The following REL variants were observed in gnomAD, a reference collection of about 807,000 sequenced individuals.
REL encodes proto-oncogene c-Rel.
REL carries 15 observed loss-of-function variants against 45.9 expected under a neutral mutation model. That is an observed-to-expected ratio of 0.33 (90% confidence interval 0.22 to 0.50). REL has a LOEUF of 0.50. Among genes scored for constraint, REL ranks in the 20% least tolerant of loss-of-function variants. The pLI is 0.98. For synonymous variants in REL, 239 were observed against 242.1 expected, an observed-to-expected ratio of 0.99 and a Z score of 0.12; for missense variants, 601 against 715.2, an observed-to-expected ratio of 0.84 and a Z score of 1.82.
At chr2:60,887,472 A>G (rs1179275950) in intron 1 of REL, among the ~76,000 whole-genome samples, 1 of 152,064 alleles carries the variant, frequency 6.6e-6, no homozygotes, top group Non-Finnish European at 1.5e-5. Flanking sequence ...TGTACAAGGC[A>G]CTGATGAGTT....
rs368851220 is a variant in REL at position 60,924,231 on chromosome 2, C to T, written c.*1696C>T. 1.3e-5 allele frequency: 3 copies of T among 227,740 alleles called. No individual in the cohort carries two copies. Among genetic ancestry groups the T allele is most frequent in the East Asian group, 6.3e-5 (1 of 15,898 alleles). 14.1% of individuals were successfully genotyped at this position (227,740 alleles called of 1,614,324 possible). A position where few individuals can be genotyped will look rare whatever the true frequency, so the allele number is the denominator to read the frequency against. On this transcript the variant is annotated 3_prime_UTR_variant, in exon 10 of 10. Coordinates refer to ENST00000394479, the MANE Select transcript of REL (RefSeq NM_001291746.2). ...TTATGTATGTCCATAGCACTCACCACGATCTGACTTTACTAAGTATTTATT... is the reference window on the plus strand; with the variant it reads ...TTATGTATGTCCATAGCACTCACCATGATCTGACTTTACTAAGTATTTATT...
intron 1 of REL, among the ~76,000 whole-genome samples, chr2:60,887,692 T>A (rs1289723597): frequency 6.7e-6 from 1 of 150,244 alleles, no homozygotes; most frequent in Non-Finnish European, 1.5e-5. Context: ...GTTGTAATAC[T>A]CTACATTCCC....
In REL at chr2:60,891,887, A is replaced by T. The variant is rs1055068633; in HGVS notation, c.153+62A>T. 10 of 1,407,072 alleles carry T rather than the reference A, an allele frequency of 7.1e-6. No individual in the cohort carries two copies. The African/African-American group carries it at 1.5e-4, about 21-fold the overall frequency. 87.2% of individuals were successfully genotyped at this position (1,407,072 alleles called of 1,614,324 possible). A position where few individuals can be genotyped will look rare whatever the true frequency, so the allele number is the denominator to read the frequency against. Reference sequence around the variant, plus strand: ...GTTGCTTCATATACTAGCTATAGCAATTATTTTAAAGGGCCAGTTTCTTCA... The same window carrying T: ...GTTGCTTCATATACTAGCTATAGCATTTATTTTAAAGGGCCAGTTTCTTCA... On this transcript the variant is annotated intron_variant, in intron 2 of 9. Transcript: ENST00000394479.
chr2:60,889,039 A>G (rs1673139288), intron 1 of REL, among the ~76,000 whole-genome samples: 2 of 152,292 alleles, frequency 1.3e-5, no homozygotes, highest in East Asian at 1.9e-4. Context: ...CCTGCATCAA[A>G]ATATTCATTG....
chr2:60,910,252 T>C (rs1673774204), intron 4 of REL, among the ~76,000 whole-genome samples: 1 of 151,878 alleles, frequency 6.6e-6, no homozygotes, highest in African/African-American at 2.4e-5. Context: ...GATCACGAGT[T>C]CAGGAGATCA....
At chr2:60,894,322 T>C (rs1350512962) in intron 2 of REL, 75 bp from the exon 3 acceptor site, 6 of 865,550 alleles carry the variant, frequency 6.9e-6, no homozygotes, top group Non-Finnish European at 9.9e-6. Flanking sequence ...TTAATGTAAA[T>C]TGAATTCTCA....
chr2:60,927,107 G>A lies in REL; in HGVS notation c.*4572G>A, dbSNP rs184488905. ...GAAGCTTTGTACATGCCTGTATTACGGACATCCTCTTATTTAAGTGTTTGT... is the reference window on the plus strand; with the variant it reads ...GAAGCTTTGTACATGCCTGTATTACAGACATCCTCTTATTTAAGTGTTTGT... On this transcript the variant is annotated 3_prime_UTR_variant, in exon 10 of 10. Coordinates refer to ENST00000394479, the MANE Select transcript of REL (RefSeq NM_001291746.2). 1.5e-4 allele frequency: 33 copies of A among 226,366 alleles called. No individual in the cohort carries two copies. The Admixed American group carries it at 1.5e-3, about 10-fold the overall frequency. 14.0% of individuals were successfully genotyped at this position (226,366 alleles called of 1,614,324 possible). A position where few individuals can be genotyped will look rare whatever the true frequency, so the allele number is the denominator to read the frequency against.
intron 4 of REL, among the ~76,000 whole-genome samples, chr2:60,901,376 G>A (rs921464175): frequency 1.3e-5 from 2 of 151,850 alleles, no homozygotes; most frequent in Non-Finnish European, 2.9e-5. Context: ...TAGCCAGGCT[G>A]GTCTCGAACT....
At chr2:60,913,948 CTT>C (rs1202531417) in intron 4 of REL, among the ~76,000 whole-genome samples, 3 of 152,132 alleles carry the variant, frequency 2.0e-5, no homozygotes, top group African/African-American at 7.2e-5. Context: ...TTCAATAGGA[CTT>C]TAAGTAATTC....
At position 60,894,506 on chromosome 2, in the gene REL, A is replaced by C; in HGVS notation, c.263A>C (p.Tyr88Ser). The change falls in exon 3 of 10, where the codon TAC becomes TCC. Residue 88 changes from tyrosine (Y) to serine (S), a missense_variant. Transcript: ENST00000394479. ...GTTGGAAAAGACTGCAGAGACGGCT[A>C]CTATGAAGCAGAATTTGGACAAGAA... ...DLVGKDCRDG[Y>S]YEAEFGQERR... 1.2e-6 allele frequency: 2 copies of C among 1,604,570 alleles called. No individual in the cohort carries two copies. The highest frequency in any genetic ancestry group is 1.7e-6 in the Non-Finnish European group (2 of 1,175,332).
At chr2:60,912,987 T>A (rs1673861237) in intron 4 of REL, among the ~76,000 whole-genome samples, 2 of 152,242 alleles carry the variant, frequency 1.3e-5, no homozygotes, top group Admixed American at 1.3e-4. Flanking sequence ...TTTAAAAACT[T>A]TTGGTAGACT....
chr2:60,929,359 G>C lies in REL; in HGVS notation c.*6824G>C, dbSNP rs927168595. 3 of 137,672 alleles carry C rather than the reference G, an allele frequency of 2.2e-5. No homozygotes were observed. The highest frequency in any genetic ancestry group is 7.3e-5 in the Admixed American group (1 of 13,742). The allele number at this position is 137,672 out of a possible 1,614,324, so 8.5% of individuals were successfully genotyped here. A position where few individuals can be genotyped will look rare whatever the true frequency, so the allele number is the denominator to read the frequency against. ...GGACTATAAATCATGCTGCTATAAA[G>C]ACACATGCACACGTATGTTTATTGC... On this transcript the variant is annotated 3_prime_UTR_variant, in exon 10 of 10. Transcript: ENST00000394479.
intron 2 of REL, among the ~76,000 whole-genome samples, chr2:60,892,619 G>A (rs901001040): frequency 1.0e-4 from 15 of 150,718 alleles, no homozygotes; most frequent in African/African-American, 3.2e-4. Flanking sequence ...TAGTAGAGAC[G>A]GGGTTTCACC....
intron 4 of REL, 37 bp from the exon 5 acceptor site, chr2:60,916,840 G>A (rs1213571584): frequency 6.5e-7 from 1 of 1,528,806 alleles, no homozygotes; most frequent in African/African-American, 1.4e-5. Flanking sequence ...AGGTCTATGT[G>A]ACTATTACAT....
At chr2:60,899,946 A>G (rs1288777278) in intron 3 of REL, 1 of 152,306 alleles carries the variant, frequency 6.6e-6, no homozygotes, top group Non-Finnish European at 1.5e-5. Flanking sequence ...ATAACTTTAT[A>G]TAATGTGGCA....
At position 60,922,763 on chromosome 2, in the gene REL, G is replaced by T; in HGVS notation, c.*228G>T. ...GCTGTCATAAAAAGACAACTCAGAGGCCAGGCGCAGGGGCTCACACCTGTA... is the reference window on the plus strand; with the variant it reads ...GCTGTCATAAAAAGACAACTCAGAGTCCAGGCGCAGGGGCTCACACCTGTA... On this transcript the variant is annotated 3_prime_UTR_variant, in exon 10 of 10. Coordinates refer to ENST00000394479, the MANE Select transcript of REL (RefSeq NM_001291746.2). The T allele has an allele frequency of 8.9e-7, 1 of 1,122,734 alleles. No homozygotes were observed. Among genetic ancestry groups the T allele is most frequent in the Admixed American group, 4.6e-5 (1 of 21,898 alleles). The allele number at this position is 1,122,734 out of a possible 1,614,324, so 69.5% of individuals were successfully genotyped here.
Position 60,922,764 on chromosome 2 carries a change from C to A in REL, c.*229C>A. 8.9e-7 allele frequency: 1 copy of A among 1,121,752 alleles called. No homozygotes were observed. Among genetic ancestry groups the A allele is most frequent in the Non-Finnish European group, 1.1e-6 (1 of 915,332 alleles). 69.5% of individuals were successfully genotyped at this position (1,121,752 alleles called of 1,614,324 possible). On this transcript the variant is annotated 3_prime_UTR_variant, in exon 10 of 10. Transcript: ENST00000394479. ...CTGTCATAAAAAGACAACTCAGAGGCCAGGCGCAGGGGCTCACACCTGTAA... is the reference window on the plus strand; with the variant it reads ...CTGTCATAAAAAGACAACTCAGAGGACAGGCGCAGGGGCTCACACCTGTAA...
intron 1 of REL, among the ~76,000 whole-genome samples, chr2:60,889,314 G>A (rs1161930661): frequency 6.6e-6 from 1 of 152,064 alleles, no homozygotes; most frequent in African/African-American, 2.4e-5. Context: ...AATTTTGTTA[G>A]TGCTTTCCTT....
intron 1 of REL, among the ~76,000 whole-genome samples, chr2:60,883,727 T>G (rs1673004035): frequency 1.3e-5 from 2 of 152,184 alleles, no homozygotes; most frequent in African/African-American, 4.8e-5. Flanking sequence ...CAATTTAAAT[T>G]TGTTCATTGA....
Sources: allele counts gnomAD v4.1 joint callset (sites outside exome capture counted in the v4.1 genomes callset), GRCh38; gene constraint gnomAD v4.1.1; transcripts MANE v1.5; gene names NCBI Gene and HGNC (gene_info 2026-07-23, HGNC 2026-07-21).